Variants in NELL1 observed in about 807,000 individuals in gnomAD.
NELL1 encodes the protein neural EGFL like 1, also known as protein kinase C-binding protein NELL1.
NELL1 carries 76 observed loss-of-function variants against 107.4 expected under a neutral mutation model. The observed-to-expected ratio is 0.71, with a 90% confidence interval of 0.59 to 0.86. The LOEUF is 0.86. NELL1 is among the 40% of genes least tolerant of loss of function. The pLI, the probability that NELL1 is intolerant of heterozygous loss-of-function variation, is 0.00. For missense variants in NELL1, 1,024 were observed against 1,005.5 expected (o/e 1.02, Z -0.25); for synonymous variants, 353 against 341.2 (o/e 1.03, Z -0.38).
At chr11:21,018,224 C>T (rs1221127342) in intron 12 of NELL1, among the ~76,000 whole-genome samples, 3 of 152,092 alleles carry the variant, frequency 2.0e-5, no homozygotes, top group East Asian at 1.9e-4. Flanking sequence ...ATTTCTAGCC[C>T]GGAAACTAGG....
Position 20,783,801 on chromosome 11 carries a change from G to A in NELL1, c.306G>A (p.Val102=). The A allele has an allele frequency of 6.2e-7, 1 of 1,613,198 alleles. No individual in the cohort carries two copies. Among genetic ancestry groups the A allele is most frequent in the African/African-American group, 1.3e-5 (1 of 75,032 alleles). ...AGCAGAAGCCATCCACTTCAGGAGT[G>A]ATACTGTCCATTCGAGAACTGGAGC... ...TVQQKPSTSG[V]ILSIRELEHS... The change falls in exon 3 of 20, where the codon GTG becomes GTA. Residue 102 remains valine (V), a synonymous_variant. Coordinates refer to ENST00000357134, the MANE Select transcript of NELL1 (RefSeq NM_006157.5).
At chr11:21,335,870 A>G (rs2133693064) in intron 14 of NELL1, among the ~76,000 whole-genome samples, 1 of 152,166 alleles carries the variant, frequency 6.6e-6, no homozygotes, top group South Asian at 2.1e-4. Context: ...GCCCAGCCCA[A>G]AAGACAGAGG....
At chr11:20,827,602 G>A (rs535654289) in intron 3 of NELL1, among the ~76,000 whole-genome samples, 1 of 151,254 alleles carries the variant, frequency 6.6e-6, no homozygotes, top group Admixed American at 6.6e-5. Flanking sequence ...ACCAGAAAGA[G>A]GATTGCATGT....
chr11:21,168,557 C>T (rs1856534355), intron 13 of NELL1, among the ~76,000 whole-genome samples: 1 of 151,728 alleles, frequency 6.6e-6, no homozygotes. Flanking sequence ...GTGACTCATC[C>T]ATTAACATGG....
At chr11:21,342,663 A>C (rs1850599415) in intron 14 of NELL1, among the ~76,000 whole-genome samples, 2 of 149,208 alleles carry the variant, frequency 1.3e-5, no homozygotes, top group Middle Eastern at 3.4e-3. Flanking sequence ...AAAAAAGAAA[A>C]AGAAAAAGAA....
chr11:21,256,017 T>C (rs550864580), intron 14 of NELL1, among the ~76,000 whole-genome samples: 98 of 152,136 alleles, frequency 6.4e-4, no homozygotes, highest in African/African-American at 2.3e-3. Context: ...GGTATATATA[T>C]CATATTGTGT....
At chr11:20,833,061 G>A (rs1590334937) in intron 3 of NELL1, among the ~76,000 whole-genome samples, 1 of 152,146 alleles carries the variant, frequency 6.6e-6, no homozygotes, top group East Asian at 1.9e-4. Context: ...AGAGTGGTCT[G>A]TGTTGATTCT....
intron 3 of NELL1, among the ~76,000 whole-genome samples, chr11:20,821,800 A>G (rs1857760409): frequency 6.6e-6 from 1 of 152,216 alleles, no homozygotes; most frequent in African/African-American, 2.4e-5. Context: ...TGATTCACAT[A>G]TTGCTTAATC....
chr11:21,523,667 C>T (rs2133958908), intron 15 of NELL1, among the ~76,000 whole-genome samples: 2 of 152,228 alleles, frequency 1.3e-5, no homozygotes, highest in South Asian at 4.1e-4. Context: ...GCTTTATAAC[C>T]TCTGCTTGCC....
rs1253859188 is a variant in NELL1 at position 21,570,791 on chromosome 11, G to C, written c.2008G>C (p.Ala670Pro). Residue 670 changes from alanine (A) to proline (P), a missense_variant, in exon 18 of 20, where the codon GCT becomes CCT. By Grantham distance (27) the Ala-to-Pro change is conservative (BLOSUM62 -1). Transcript: ENST00000357134. ...TGGCAAGATATTCTGCCGACGGACA[G>C]CTTGTGATTGCCAGAATCCAAGTGC... Reference protein sequence around the residue: ...KDGKIFCRRTACDCQNPSADL... With the variant: ...KDGKIFCRRTPCDCQNPSADL... 1 of 1,611,366 alleles carries C rather than the reference G, an allele frequency of 6.2e-7. No individual in the cohort carries two copies. Among genetic ancestry groups the C allele is most frequent in the Non-Finnish European group, 8.5e-7 (1 of 1,178,488 alleles).
chr11:20,849,004 CTG>C (rs1379588763), intron 4 of NELL1, among the ~76,000 whole-genome samples: 1 of 152,200 alleles, frequency 6.6e-6, no homozygotes, highest in Admixed American at 6.5e-5. Context: ...ACACTGCAGA[CTG>C]GGGCTGGGCA....
chr11:21,160,557 GT>G (rs1856340868), intron 13 of NELL1, among the ~76,000 whole-genome samples: 1 of 152,058 alleles, frequency 6.6e-6, no homozygotes, highest in South Asian at 2.1e-4. Flanking sequence ...TTAGCATTTT[GT>G]ATTTTTCTGA....
intron 14 of NELL1, among the ~76,000 whole-genome samples, chr11:21,290,398 GATAAATAAATAA>G (rs367977438): frequency 1.4e-4 from 20 of 146,400 alleles, no homozygotes; most frequent in Non-Finnish European, 1.8e-4. Context: ...AAAATAAATA[GATAAATAAATAA>G]ATAAATAAAT....
intron 13 of NELL1, among the ~76,000 whole-genome samples, chr11:21,135,387 T>C (rs1179744655): frequency 6.6e-6 from 1 of 152,212 alleles, no homozygotes; most frequent in Non-Finnish European, 1.5e-5. Context: ...TCTGGTGCAG[T>C]ACAGATACCC....
Position 21,264,771 on chromosome 11 carries a change from G to A in NELL1, c.1549+35317G>A, listed in dbSNP as rs951528725. ...GTGGAGTGTGTGTGTGTGTGCGTGC[G>A]TGTGTTGAACTAAAACAGATACTTT... On this transcript the variant is annotated intron_variant, in intron 14 of 19. Coordinates refer to ENST00000357134, the MANE Select transcript of NELL1 (RefSeq NM_006157.5). Among the ~76,000 whole-genome samples the A allele has an allele frequency of 3.3e-5, 5 of 151,802 alleles. No homozygotes were observed. The South Asian group carries it at 6.2e-4, about 19-fold the overall frequency.
chr11:20,685,634 A>G (rs1854289240), intron 2 of NELL1, among the ~76,000 whole-genome samples: 1 of 152,170 alleles, frequency 6.6e-6, no homozygotes, highest in Non-Finnish European at 1.5e-5. Flanking sequence ...AGGGTGAAAT[A>G]ATACATACAA....
chr11:21,206,307 T>C (rs1352631165), intron 13 of NELL1, among the ~76,000 whole-genome samples: 1 of 152,202 alleles, frequency 6.6e-6, no homozygotes, highest in Non-Finnish European at 1.5e-5. Flanking sequence ...TGATCCACTC[T>C]GTGTATCACA....
chr11:21,002,351 A>T (rs542360503), intron 12 of NELL1, among the ~76,000 whole-genome samples: 3 of 152,330 alleles, frequency 2.0e-5, no homozygotes, highest in African/African-American at 7.2e-5. Context: ...GGACATTCTG[A>T]CTATTCCGTC....
intron 12 of NELL1, among the ~76,000 whole-genome samples, chr11:21,101,383 T>A (rs1854807692): frequency 6.6e-6 from 1 of 152,220 alleles, no homozygotes; most frequent in South Asian, 2.1e-4. Context: ...CAAATGGTAT[T>A]TCTAATTCTA....
Sources: allele counts gnomAD v4.1 joint callset (sites outside exome capture counted in the v4.1 genomes callset), GRCh38; gene constraint gnomAD v4.1.1; transcripts MANE v1.5; gene names NCBI Gene and HGNC (gene_info 2026-07-23, HGNC 2026-07-21).